The following PHACTR1 variants were observed in gnomAD, a reference collection of about 807,000 sequenced individuals.
The protein encoded by PHACTR1 is RPEL repeat containing 1.
PHACTR1 carries 16 observed loss-of-function variants against 69.2 expected under a neutral mutation model. That is an observed-to-expected ratio of 0.23 (90% CI 0.16 to 0.35). The LOEUF (loss-of-function observed/expected upper bound fraction) is 0.35, where lower values mean the gene tolerates loss of function less well. PHACTR1 is among the 10% of genes least tolerant of loss of function. PHACTR1 has a pLI of 1.00. For synonymous variants in PHACTR1, 312 were observed against 284.5 expected (o/e 1.10, Z -0.97); for missense variants, 510 against 734.7 (o/e 0.69, Z 3.54).
At chr6:13,253,155 C>A (rs915941124) in intron 10 of PHACTR1, 2 of 360,666 alleles carry the variant, frequency 5.5e-6, no homozygotes, top group Admixed American at 3.0e-5. Context: ...GAAGTATGAT[C>A]GCCCCAAAAT....
chr6:13,224,376 G>C (rs1769224634), intron 8 of PHACTR1, among the ~76,000 whole-genome samples: 1 of 152,218 alleles, frequency 6.6e-6, no homozygotes, highest in Non-Finnish European at 1.5e-5. Flanking sequence ...CAGGCCAAGA[G>C]CATTGAATGC....
chr6:13,045,200 C>A (rs1362468362), intron 4 of PHACTR1, among the ~76,000 whole-genome samples: 1 of 152,084 alleles, frequency 6.6e-6, no homozygotes, highest in Non-Finnish European at 1.5e-5. Context: ...TTTTCCTATT[C>A]ATTAGTCCCT....
intron 4 of PHACTR1, among the ~76,000 whole-genome samples, chr6:13,023,720 C>A (rs530724217): frequency 6.6e-6 from 1 of 152,052 alleles, no homozygotes; most frequent in Non-Finnish European, 1.5e-5. Flanking sequence ...AGAAAGAGTG[C>A]GGAACAAGTA....
chr6:12,796,219 A>G (rs1772983636), intron 4 of PHACTR1, among the ~76,000 whole-genome samples: 1 of 152,214 alleles, frequency 6.6e-6, no homozygotes, highest in Non-Finnish European at 1.5e-5. Context: ...TTACGTAAGC[A>G]TGGGCATGCT....
At chr6:12,882,127 G>A (rs899297803) in intron 4 of PHACTR1, among the ~76,000 whole-genome samples, 5 of 152,152 alleles carry the variant, frequency 3.3e-5, no homozygotes, top group South Asian at 2.1e-4. Context: ...AGGGACAGGG[G>A]GATGGAGGGA....
At chr6:13,222,000 A>G (rs563149947) in intron 8 of PHACTR1, among the ~76,000 whole-genome samples, 1 of 151,628 alleles carries the variant, frequency 6.6e-6, no homozygotes, top group South Asian at 2.1e-4. Flanking sequence ...ACGCCACTGC[A>G]CTCCAGCCTG....
chr6:13,118,092 T>A (rs1818080037), intron 5 of PHACTR1, among the ~76,000 whole-genome samples: 1 of 152,242 alleles, frequency 6.6e-6, no homozygotes, highest in African/African-American at 2.4e-5. Flanking sequence ...TTTCTACCGA[T>A]GAATTAAAGC....
intron 4 of PHACTR1, among the ~76,000 whole-genome samples, chr6:12,767,087 C>T (rs1581657716): frequency 6.6e-6 from 1 of 152,192 alleles, no homozygotes. Flanking sequence ...TTGCCTTTTG[C>T]AGTCCATTCA....
intron 10 of PHACTR1, among the ~76,000 whole-genome samples, chr6:13,255,388 C>A (rs7763251): frequency 0.22 from 33,323 of 152,036 alleles, 5,785 homozygotes; most frequent in African/African-American, 0.47. Flanking sequence ...AGATCCAAAC[C>A]ATATCATTCT....
chr6:12,757,572 C>T (rs1364322640), intron 4 of PHACTR1, among the ~76,000 whole-genome samples: 2 of 152,006 alleles, frequency 1.3e-5, no homozygotes, highest in African/African-American at 2.4e-5. Context: ...GGCTCATCAG[C>T]GTGGTACAGC....
At chr6:12,721,417 CA>C (rs1223617060) in intron 3 of PHACTR1, among the ~76,000 whole-genome samples, 1 of 151,614 alleles carries the variant, frequency 6.6e-6, no homozygotes, top group Non-Finnish European at 1.5e-5. Flanking sequence ...CACTGCCTTG[CA>C]AACAAGAAAT....
At chr6:13,236,831 G>T (rs1772062546) in intron 10 of PHACTR1, among the ~76,000 whole-genome samples, 1 of 152,146 alleles carries the variant, frequency 6.6e-6, no homozygotes, top group Non-Finnish European at 1.5e-5. Context: ...TTTCAAGTGG[G>T]TTTACCTAGA....
chr6:13,061,845 T>C (rs1266731415), intron 5 of PHACTR1, among the ~76,000 whole-genome samples: 1 of 152,226 alleles, frequency 6.6e-6, no homozygotes, highest in African/African-American at 2.4e-5. Context: ...TGGCCCATCA[T>C]ATTTTTAAGC....
chr6:13,162,586 TC>T (rs1759209397), intron 6 of PHACTR1, among the ~76,000 whole-genome samples: 1 of 152,198 alleles, frequency 6.6e-6, no homozygotes, highest in Non-Finnish European at 1.5e-5. Context: ...CAAAACTTGT[TC>T]AGATCCACTT....
intron 7 of PHACTR1, among the ~76,000 whole-genome samples, chr6:13,188,562 T>A (rs781746876): frequency 1.3e-5 from 2 of 152,090 alleles, no homozygotes; most frequent in Non-Finnish European, 2.9e-5. Context: ...CTGGAGGAAA[T>A]GTGAGGCTGA....
chr6:13,148,626 CT>C (rs1185270764), intron 5 of PHACTR1, among the ~76,000 whole-genome samples: 1 of 152,136 alleles, frequency 6.6e-6, no homozygotes, highest in East Asian at 1.9e-4. Context: ...TAGGACCTGA[CT>C]TCAGGTACTT....
intron 4 of PHACTR1, among the ~76,000 whole-genome samples, chr6:12,817,416 T>A (rs1356315846): frequency 1.3e-5 from 2 of 152,188 alleles, no homozygotes; most frequent in Admixed American, 1.3e-4. Flanking sequence ...TAAGTTAAAG[T>A]GGTTGAGAGT....
intron 4 of PHACTR1, among the ~76,000 whole-genome samples, chr6:12,797,040 T>TGTGTGTGAGAGAGA (rs563796658): frequency 3.0e-5 from 4 of 133,396 alleles, no homozygotes; most frequent in African/African-American, 1.1e-4. Flanking sequence ...TGTGTGTGTG[T>TGTGTGTGAGAGAGA]GAGAGAGAGA....
At chr6:13,000,004 G>A (rs1366877863) in intron 4 of PHACTR1, among the ~76,000 whole-genome samples, 5 of 152,214 alleles carry the variant, frequency 3.3e-5, no homozygotes, top group Admixed American at 2.6e-4. Context: ...CTTACAGGAT[G>A]TTACAATAAA....
Sources: allele counts gnomAD v4.1 joint callset (sites outside exome capture counted in the v4.1 genomes callset), GRCh38; gene constraint gnomAD v4.1.1; transcripts MANE v1.5; gene names NCBI Gene and HGNC (gene_info 2026-07-23, HGNC 2026-07-21).